Variants in TSPAN5 observed in about 807,000 individuals in gnomAD.
TSPAN5 encodes tetraspanin 5, also known as tetraspanin-5.
A neutral mutation model predicts 37.1 loss-of-function variants in TSPAN5; 10 were observed. The observed-to-expected ratio is 0.27, with a 90% CI of 0.17 to 0.46. The LOEUF is 0.46. TSPAN5 is among the 20% of genes least tolerant of loss of function. The pLI is 1.00. For synonymous variants in TSPAN5, 110 were observed against 118.9 expected, an observed-to-expected ratio of 0.93 and a Z score of 0.48; for missense variants, 195 against 326.6, an observed-to-expected ratio of 0.60 and a Z score of 3.11.
At chr4:98,550,650 A>T (rs1417279154) in intron 1 of TSPAN5, among the ~76,000 whole-genome samples, 3 of 143,114 alleles carry the variant, frequency 2.1e-5, no homozygotes, top group Non-Finnish European at 3.0e-5. Context: ...AATGGGGTTG[A>T]CTTTTTGATT....
At chr4:98,531,134 A>T (rs976236290) in intron 1 of TSPAN5, among the ~76,000 whole-genome samples, 1 of 152,116 alleles carries the variant, frequency 6.6e-6, no homozygotes, top group South Asian at 2.1e-4. Flanking sequence ...GTTTCATTAC[A>T]TAGGTATACA....
intron 1 of TSPAN5, among the ~76,000 whole-genome samples, chr4:98,547,057 A>C (rs2110149130): frequency 6.6e-6 from 1 of 152,230 alleles, no homozygotes; most frequent in East Asian, 1.9e-4. Flanking sequence ...TGCTGGGGAA[A>C]AGTCAAATTG....
intron 1 of TSPAN5, among the ~76,000 whole-genome samples, chr4:98,652,228 C>T (rs1171351829): frequency 6.6e-6 from 1 of 152,136 alleles, no homozygotes; most frequent in Non-Finnish European, 1.5e-5. Flanking sequence ...GAAAGTGAGA[C>T]AGCCCCCACA....
At chr4:98,556,037 A>ACCCCCCCCCCCCCCCCC (rs374997947) in intron 1 of TSPAN5, among the ~76,000 whole-genome samples, 1 of 63,400 alleles carries the variant, frequency 1.6e-5, no homozygotes, top group African/African-American at 7.9e-5. Context: ...CACACACAGC[A>ACCCCCCCCCCCCCCCCC]CCCCCACACA....
intron 1 of TSPAN5, among the ~76,000 whole-genome samples, chr4:98,638,282 C>T (rs1382960740): frequency 1.3e-5 from 2 of 152,144 alleles, no homozygotes; most frequent in South Asian, 2.1e-4. Flanking sequence ...AGTAAAGATG[C>T]CTTGGTCTCC....
In TSPAN5 at chr4:98,653,256, C is replaced by G. The variant is rs566468277; in HGVS notation, c.81+4890G>C. Among the ~76,000 whole-genome samples, 299 of 152,134 alleles carry G rather than the reference C, an allele frequency of 2.0e-3. 1 individual carries two copies. The highest frequency in any genetic ancestry group is 7.0e-3 in the African/African-American group (291 of 41,482). On this transcript the variant is annotated intron_variant, in intron 1 of 7. Coordinates refer to ENST00000305798, the MANE Select transcript of TSPAN5 (RefSeq NM_005723.4). ...ATAAAGCTTCCTACTTGATGCCCCC[C>G]CTCCCCCACCGCCCCAAGGTTTCCT...
intron 1 of TSPAN5, among the ~76,000 whole-genome samples, chr4:98,552,564 C>G (rs913409404): frequency 3.0e-4 from 46 of 152,280 alleles, no homozygotes; most frequent in African/African-American, 1.1e-3. Flanking sequence ...GGATGTGACC[C>G]AATCCTGGCA....
chr4:98,582,300 C>T (rs1226750354), intron 1 of TSPAN5, among the ~76,000 whole-genome samples: 1 of 152,144 alleles, frequency 6.6e-6, no homozygotes, highest in Non-Finnish European at 1.5e-5. Flanking sequence ...TGGTGCCATC[C>T]CCACTGGAGC....
At chr4:98,478,574 A>C in intron 5 of TSPAN5, 111 bp downstream of exon 5, 1 of 1,315,196 alleles carries the variant, frequency 7.6e-7, no homozygotes, top group Non-Finnish European at 1.1e-6. Context: ...AGCTACAAAT[A>C]CGAGTAACCA....
intron 1 of TSPAN5, among the ~76,000 whole-genome samples, chr4:98,542,719 T>TAAAAAAAA (rs11326064): frequency 9.8e-6 from 1 of 101,812 alleles, no homozygotes. Flanking sequence ...CTCATCTCTT[T>TAAAAAAAA]AAAAAAAAAA....
At chr4:98,634,832 C>T (rs1045885857) in intron 1 of TSPAN5, among the ~76,000 whole-genome samples, 1 of 152,146 alleles carries the variant, frequency 6.6e-6, no homozygotes, top group African/African-American at 2.4e-5. Context: ...GATTATAAAC[C>T]CAACTGGACA....
At position 98,593,897 on chromosome 4, in the gene TSPAN5, G is replaced by A. The variant is rs1475392114; in HGVS notation, c.81+64249C>T. On this transcript the variant is annotated intron_variant, in intron 1 of 7. Coordinates refer to ENST00000305798, the MANE Select transcript of TSPAN5 (RefSeq NM_005723.4). ...TGATGCCTCCAGCTTTGTTCTTTTG[G>A]CTTAGGATTGACTTGGCAATGTGGG... is the stretch of plus-strand genomic sequence containing the variant. Among the ~76,000 whole-genome samples the A allele has an allele frequency of 3.3e-5, 2 of 60,480 alleles. 1 individual carries two copies. The highest frequency in any genetic ancestry group is 5.9e-5 in the Non-Finnish European group (2 of 34,100). The allele number at this position is 60,480 out of a possible 152,430, so 39.7% of individuals were successfully genotyped here. A position where few individuals can be genotyped will look rare whatever the true frequency, so the allele number is the denominator to read the frequency against.
At chr4:98,549,807 T>A (rs549808599) in intron 1 of TSPAN5, among the ~76,000 whole-genome samples, 11 of 152,182 alleles carry the variant, frequency 7.2e-5, no homozygotes, top group African/African-American at 2.4e-4. Flanking sequence ...GGATGCATAC[T>A]TTGGGAATTT....
At chr4:98,497,225 G>A (rs1351190439) in intron 2 of TSPAN5, among the ~76,000 whole-genome samples, 7 of 151,556 alleles carry the variant, frequency 4.6e-5, no homozygotes, top group Non-Finnish European at 8.8e-5. Context: ...GGCTGAGCAG[G>A]AGAACTGCTT....
chr4:98,549,734 T>C lies in TSPAN5; in HGVS notation c.82-42006A>G, dbSNP rs531283385. Among the ~76,000 whole-genome samples, 5 of 152,280 alleles carry C rather than the reference T, an allele frequency of 3.3e-5. No individual in the cohort carries two copies. In the South Asian group the frequency reaches 1.0e-3, roughly 32 times the overall value. The stretch of plus-strand genomic sequence containing the variant: ...TTGCTCACTTTTTAATGGGGTTCTT[T>C]GGGGTTTTTTTCTTGTTAAGTTGTT... On this transcript the variant is annotated intron_variant, in intron 1 of 7. Coordinates refer to ENST00000305798, the MANE Select transcript of TSPAN5 (RefSeq NM_005723.4).
intron 2 of TSPAN5, among the ~76,000 whole-genome samples, chr4:98,490,870 C>A (rs1214995261): frequency 2.0e-5 from 3 of 152,104 alleles, no homozygotes; most frequent in African/African-American, 7.2e-5. Flanking sequence ...ACCATCCTGG[C>A]TAACATGGTG....
intron 1 of TSPAN5, among the ~76,000 whole-genome samples, chr4:98,526,670 A>C (rs1455131597): frequency 6.6e-6 from 1 of 151,036 alleles, no homozygotes; most frequent in African/African-American, 2.4e-5. Flanking sequence ...CCAGATGCCA[A>C]GATGAGGGAA....
chr4:98,501,956 T>C (rs879673523), intron 2 of TSPAN5, among the ~76,000 whole-genome samples: 1 of 152,158 alleles, frequency 6.6e-6, no homozygotes, highest in Non-Finnish European at 1.5e-5. Flanking sequence ...AGGCAAGATG[T>C]GGTGGCCACT....
At chr4:98,641,775 C>T (rs982978640) in intron 1 of TSPAN5, among the ~76,000 whole-genome samples, 1 of 152,202 alleles carries the variant, frequency 6.6e-6, no homozygotes, top group South Asian at 2.1e-4. Flanking sequence ...TCCACCAGGA[C>T]TCCCACTGTC....
Sources: gnomAD v4.1 joint callset for allele counts (sites outside exome capture counted in the v4.1 genomes callset) on GRCh38, gnomAD v4.1.1 for gene constraint, MANE v1.5 for transcripts, NCBI Gene and HGNC (gene_info 2026-07-23, HGNC 2026-07-21) for gene names.